ETNK2: variants seen among roughly 807,000 people sequenced by gnomAD.
The protein encoded by ETNK2 is ethanolamine kinase-like protein.
ETNK2 carries 33 observed loss-of-function variants against 46.2 expected under a neutral mutation model. The observed-to-expected ratio is 0.71, with a 90% CI of 0.54 to 0.96. ETNK2 has a LOEUF of 0.96. Ranked by LOEUF, ETNK2 falls within the 40% of genes least tolerant of loss-of-function variation. The probability of loss-of-function intolerance (pLI) is 0.00; values close to 1 mark genes in which losing one functional copy is unlikely to be tolerated. For missense variants in ETNK2, 445 were observed against 509.7 expected (o/e 0.87, Z 1.22); for synonymous variants, 194 against 209.0 (o/e 0.93, Z 0.62).
chr1:204,148,646 C>G (rs554655415), intron 2 of ETNK2, among the ~76,000 whole-genome samples: 15 of 152,060 alleles, frequency 9.9e-5, no homozygotes, highest in East Asian at 7.8e-4. Flanking sequence ...CCCGCCTGAC[C>G]AGCCGCTTAT....
In ETNK2 at chr1:204,140,276, TTCCATTCATCCATCCA is replaced by T. The variant is rs1158045741; in HGVS notation, c.785-174_785-159del. Among the ~76,000 whole-genome samples the T allele has an allele frequency of 4.2e-5, 6 of 141,676 alleles. 1 individual carries two copies. Among genetic ancestry groups the T allele is most frequent in the African/African-American group, 1.7e-4 (6 of 35,420 alleles). 92.9% of individuals were successfully genotyped at this position (141,676 alleles called of 152,430 possible). A position where few individuals can be genotyped will look rare whatever the true frequency, so the allele number is the denominator to read the frequency against. ...TCACTGCAGCAGTCTTCCAAGCTAC[TTCCATTCATCCATCCA>T]TCCATCCATCCATCCATCCATCCAT... is the stretch of plus-strand genomic sequence containing the variant. On this transcript the variant is annotated intron_variant, in intron 4 of 7. Transcript: ENST00000367202.
intron 7 of ETNK2, among the ~76,000 whole-genome samples, chr1:204,133,827 G>A (rs1237467273): frequency 6.6e-6 from 1 of 152,190 alleles, no homozygotes; most frequent in Non-Finnish European, 1.5e-5. Context: ...CACCGCGCCC[G>A]GCCTCACCGT....
chr1:204,136,571 G>T (rs912492716), intron 6 of ETNK2, among the ~76,000 whole-genome samples: 2 of 151,638 alleles, frequency 1.3e-5, no homozygotes, highest in Non-Finnish European at 2.9e-5. Context: ...AACTAGTTGG[G>T]TGTGGTGGTA....
chr1:204,146,987 C>T (rs1192139665), intron 2 of ETNK2: 2 of 672,164 alleles, frequency 3.0e-6, no homozygotes, highest in Non-Finnish European at 5.6e-6. Flanking sequence ...TGCTCCCTTT[C>T]CAGTGCCAGG....
At chr1:204,132,450 T>G (rs1413429154) in intron 7 of ETNK2, among the ~76,000 whole-genome samples, 194 bp from the exon 8 acceptor site, 1 of 152,230 alleles carries the variant, frequency 6.6e-6, no homozygotes, top group Non-Finnish European at 1.5e-5. Flanking sequence ...TTTATTTATT[T>G]TGAGACAGGG....
rs1265693419 is a variant in ETNK2 at position 204,151,089 on chromosome 1, AG to A, written c.258+505del. On this transcript the variant is annotated intron_variant, in intron 1 of 7. Coordinates refer to ENST00000367202, the MANE Select transcript of ETNK2 (RefSeq NM_018208.4). This position sits in a 1 kb window ranked among gnomAD's most constrained non-coding sequence, Gnocchi z 8.0. ...AGCCTGCAGCGATGGTGAGGAGCTGAGTGCTAGCTGGAATTCCACAGGGTGG... is the reference window on the plus strand; with the variant it reads ...AGCCTGCAGCGATGGTGAGGAGCTGATGCTAGCTGGAATTCCACAGGGTGG... The A allele has an allele frequency of 5.2e-6, 1 of 191,806 alleles. No individual in the cohort carries two copies. Among genetic ancestry groups the A allele is most frequent in the Non-Finnish European group, 1.1e-5 (1 of 94,578 alleles). 11.9% of individuals were successfully genotyped at this position (191,806 alleles called of 1,614,324 possible). A position where few individuals can be genotyped will look rare whatever the true frequency, so the allele number is the denominator to read the frequency against.
intron 1 of ETNK2, 42 bp from the exon 2 acceptor site, chr1:204,150,004 C>A: frequency 1.3e-6 from 2 of 1,511,492 alleles, no homozygotes; most frequent in Non-Finnish European, 8.9e-7. Context: ...GTGGGTGGGG[C>A]AGGATCTCTC....
At chr1:204,145,179 C>T (rs930424598) in intron 3 of ETNK2, among the ~76,000 whole-genome samples, 3 of 152,166 alleles carry the variant, frequency 2.0e-5, no homozygotes, top group African/African-American at 7.2e-5. Flanking sequence ...AGAGGCTCAA[C>T]GAAGTTAAGC....
At chr1:204,149,632 C>T in intron 2 of ETNK2, 71 bp downstream of exon 2, 2 of 1,495,946 alleles carry the variant, frequency 1.3e-6, no homozygotes, top group Non-Finnish European at 9.0e-7. Flanking sequence ...ACCATGGACC[C>T]CACATGCCAA....
At position 204,151,821 on chromosome 1, in the gene ETNK2, CGCG is replaced by C; in HGVS notation, c.29_31del (p.Pro10del). 6.8e-7 allele frequency: 1 copy of C among 1,478,392 alleles called. No homozygotes were observed. Among genetic ancestry groups the C allele is most frequent in the South Asian group, 1.4e-5 (1 of 71,714 alleles). 91.6% of individuals were successfully genotyped at this position (1,478,392 alleles called of 1,614,324 possible). On this transcript the variant is annotated inframe_deletion, in exon 1 of 8. Transcript: ENST00000367202. The surrounding 1 kb of genome is among the most constrained non-coding windows in gnomAD (Gnocchi z 8.0). Reference sequence around the variant, plus strand: ...GTGCCTCCTCAGGTGAAAGGACGCGCGCGGCTGAGGGGCCGAAGGGGGCACAGC... The same window carrying C: ...GTGCCTCCTCAGGTGAAAGGACGCGCGCTGAGGGGCCGAAGGGGGCACAGC...
chr1:204,147,539 C>T (rs758044868), intron 2 of ETNK2: 3 of 533,364 alleles, frequency 5.6e-6, no homozygotes, highest in Middle Eastern at 3.2e-4. Context: ...AGTCCTCTTC[C>T]AGTCTTCCCT....
chr1:204,131,788 T>C lies in ETNK2; in HGVS notation c.*396A>G, dbSNP rs549500658. The stretch of plus-strand genomic sequence containing the variant: ...GAGACGGACTGGAGGCTCAGGGCAC[T>C]GGAGGTAGAAAGGAGCCCTCCCCGC... On this transcript the variant is annotated 3_prime_UTR_variant, in exon 8 of 8. Coordinates refer to ENST00000367202, the MANE Select transcript of ETNK2 (RefSeq NM_018208.4). The surrounding 1 kb of genome is among the most constrained non-coding windows in gnomAD (Gnocchi z 4.3). 3.0e-4 allele frequency: 69 copies of C among 231,164 alleles called. 1 individual carries two copies. The South Asian group carries it at 5.2e-3, about 17-fold the overall frequency. 14.3% of individuals were successfully genotyped at this position (231,164 alleles called of 1,614,324 possible). A position where few individuals can be genotyped will look rare whatever the true frequency, so the allele number is the denominator to read the frequency against.
intron 3 of ETNK2, chr1:204,142,783 C>T (rs1429421580): frequency 2.0e-5 from 3 of 152,276 alleles, no homozygotes; most frequent in African/African-American, 7.2e-5. Flanking sequence ...TGAGGCACTC[C>T]TCTGCCCCCT....
intron 3 of ETNK2, among the ~76,000 whole-genome samples, chr1:204,144,365 A>AAAAAAAAAAAAAAAAAAAAAC (rs1558236282): frequency 1.3e-5 from 2 of 150,066 alleles, no homozygotes; most frequent in African/African-American, 2.4e-5. Context: ...AAAAAAAAAA[A>AAAAAAAAAAAAAAAAAAAAAC]AAAAGCCATT....
In ETNK2 at chr1:204,143,586, A is replaced by G. The variant is rs546998004; in HGVS notation, c.642-2129T>C. On this transcript the variant is annotated intron_variant, in intron 3 of 7. Transcript: ENST00000367202. Reference sequence around the variant, plus strand: ...ATCCCAGAAACACTGCCCAGGAAAAACTGCTCCTTCTGCTCCTCTGCCCCA... The same window carrying G: ...ATCCCAGAAACACTGCCCAGGAAAAGCTGCTCCTTCTGCTCCTCTGCCCCA... Among the ~76,000 whole-genome samples the G allele has an allele frequency of 2.6e-5, 4 of 152,164 alleles. No homozygotes were observed. The East Asian group carries it at 7.7e-4, about 29-fold the overall frequency.
Position 204,133,367 on chromosome 1 carries a change from A to G in ETNK2, c.1089-1111T>C, listed in dbSNP as rs576652676. Among the ~76,000 whole-genome samples the G allele has an allele frequency of 2.6e-5, 4 of 152,172 alleles. No individual in the cohort carries two copies. The East Asian group carries it at 7.7e-4, about 29-fold the overall frequency. The stretch of plus-strand genomic sequence containing the variant: ...TAGTAGCTCACCATTTTACATTCCT[A>G]CCAATGGTGCAGAAAGGTTCCAATT... On this transcript the variant is annotated intron_variant, in intron 7 of 7. Transcript: ENST00000367202.
chr1:204,141,771 A>T, intron 3 of ETNK2: 1 of 331,236 alleles, frequency 3.0e-6, no homozygotes, highest in South Asian at 4.1e-5. Context: ...AAGGAAGGAG[A>T]CACAGGGAAA....
intron 4 of ETNK2, among the ~76,000 whole-genome samples, 174 bp from the exon 5 acceptor site, chr1:204,140,292 A>ATCCG (rs1354795365): frequency 2.2e-5 from 3 of 135,938 alleles, no homozygotes; most frequent in Admixed American, 7.0e-5. Context: ...TCATCCATCC[A>ATCCG]TCCATCCATC....
intron 7 of ETNK2, among the ~76,000 whole-genome samples, chr1:204,133,549 T>G (rs78560032): frequency 1.3e-5 from 2 of 151,698 alleles, no homozygotes; most frequent in Admixed American, 6.6e-5. Flanking sequence ...TTTTTTTTTT[T>G]GAGACGGAGT....
Sources: allele counts gnomAD v4.1 joint callset (sites outside exome capture counted in the v4.1 genomes callset), GRCh38; gene constraint gnomAD v4.1.1; non-coding constraint Gnocchi (gnomAD v3.1); transcripts MANE v1.5; gene names NCBI Gene and HGNC (gene_info 2026-07-23, HGNC 2026-07-21).